PLCG2: variants seen among roughly 807,000 people sequenced by gnomAD.
PLCG2 encodes the protein phospholipase C gamma 2.
Under a neutral mutation model 175.6 loss-of-function variants are expected in PLCG2, and 69 were observed. The ratio of observed to expected loss-of-function variants is 0.39; its 90% confidence interval spans 0.32 to 0.48. The LOEUF is 0.48. Among genes scored for constraint, PLCG2 ranks in the 20% least tolerant of loss-of-function variants. The pLI is 0.91. For synonymous variants in PLCG2, 827 were observed against 624.0 expected (o/e 1.33, Z -4.85); for missense variants, 1,798 against 1,650.9 (o/e 1.09, Z -1.54).
At chr16:81,897,343 C>G (rs1309745328) in intron 13 of PLCG2, among the ~76,000 whole-genome samples, 1 of 152,148 alleles carries the variant, frequency 6.6e-6, no homozygotes, top group African/African-American at 2.4e-5. Context: ...CTGTTGAGTA[C>G]TAGTTTGGGC....
rs775349663 is a variant in PLCG2 at position 81,785,952 on chromosome 16, T to G, written c.-38T>G. 1 of 1,585,398 alleles carries G rather than the reference T, an allele frequency of 6.3e-7. No individual in the cohort carries two copies. Among genetic ancestry groups the G allele is most frequent in the Non-Finnish European group, 8.6e-7 (1 of 1,159,282 alleles). On this transcript the variant is annotated 5_prime_UTR_variant, in exon 2 of 33. The change creates a new upstream start codon in the 5' untranslated region. Coordinates refer to ENST00000564138, the MANE Select transcript of PLCG2 (RefSeq NM_002661.5). ...AATTCTGCCCTTTCAGCTTCCTGAT[T>G]TCTCCCGATTCCTTCCTTCTCCCTG...
At chr16:81,783,338 G>A (rs1047709017) in intron 1 of PLCG2, among the ~76,000 whole-genome samples, 2 of 152,074 alleles carry the variant, frequency 1.3e-5, no homozygotes, top group African/African-American at 4.8e-5. Context: ...TAAGTTTTAG[G>A]GTACATGTGC....
chr16:81,747,395 C>A (rs751327079), intron 1 of PLCG2, among the ~76,000 whole-genome samples: 2 of 152,022 alleles, frequency 1.3e-5, no homozygotes, highest in African/African-American at 4.8e-5. Context: ...ACTAGCCTGG[C>A]GTGATGGTGG....
upstream of PLCG2, among the ~76,000 whole-genome samples, chr16:81,778,043 C>CAAACAAACA (rs1910507100): frequency 2.8e-3 from 168 of 59,800 alleles, 5 homozygotes; most frequent in South Asian, 7.4e-3. Flanking sequence ...AAAAAAAAAA[C>CAAACAAACA]AAAAAAAAAA....
At chr16:81,789,844 G>GCCC (rs150696922) in intron 2 of PLCG2, among the ~76,000 whole-genome samples, 13 of 132,812 alleles carry the variant, frequency 9.8e-5, no homozygotes, top group African/African-American at 3.1e-4. Context: ...TCCCACCTTT[G>GCCC]CCCCCCCTCC....
chr16:81,815,716 C>T (rs774786267), intron 2 of PLCG2, among the ~76,000 whole-genome samples: 3 of 152,208 alleles, frequency 2.0e-5, no homozygotes, highest in African/African-American at 4.8e-5. Flanking sequence ...CTTCGATTCT[C>T]GCGGTCTTCT....
At chr16:81,838,925 G>T (rs974377108) in intron 2 of PLCG2, among the ~76,000 whole-genome samples, 1 of 151,804 alleles carries the variant, frequency 6.6e-6, no homozygotes, top group Non-Finnish European at 1.5e-5. Flanking sequence ...CCTCTCTTTA[G>T]GTGACACCAC....
chr16:81,842,566 A>G (rs1905891770), intron 2 of PLCG2, among the ~76,000 whole-genome samples: 1 of 152,090 alleles, frequency 6.6e-6, no homozygotes, highest in Non-Finnish European at 1.5e-5. Flanking sequence ...TCGCTTGAAT[A>G]TGTCTTGAGC....
At chr16:81,916,755 A>G (rs1349901971) in intron 19 of PLCG2, among the ~76,000 whole-genome samples, 1 of 152,024 alleles carries the variant, frequency 6.6e-6, no homozygotes, top group Non-Finnish European at 1.5e-5. Flanking sequence ...CTCCTGCCTC[A>G]GGCTCCTGAG....
intron 14 of PLCG2, among the ~76,000 whole-genome samples, chr16:81,904,652 G>T (rs1001228708): frequency 5.3e-5 from 8 of 152,110 alleles, no homozygotes; most frequent in African/African-American, 1.5e-4. Flanking sequence ...GGCACAGGTG[G>T]TGTTGTTGTT....
intron 31 of PLCG2, among the ~76,000 whole-genome samples, chr16:81,950,109 G>A (rs1911308850): frequency 6.6e-6 from 1 of 152,186 alleles, no homozygotes; most frequent in African/African-American, 2.4e-5. Context: ...AAGGTAAAAT[G>A]TGTAGTAATT....
chr16:81,935,157 A>C (rs1040779369), intron 26 of PLCG2, among the ~76,000 whole-genome samples: 3 of 152,172 alleles, frequency 2.0e-5, no homozygotes, highest in Admixed American at 1.3e-4. Context: ...TCATGAGGTC[A>C]ACATCAGGGT....
At chr16:81,834,662 G>A (rs1374104724) in intron 2 of PLCG2, among the ~76,000 whole-genome samples, 1 of 152,104 alleles carries the variant, frequency 6.6e-6, no homozygotes, top group African/African-American at 2.4e-5. Context: ...CTGAGAGGAA[G>A]ATTCTGGTAG....
intron 22 of PLCG2, among the ~76,000 whole-genome samples, chr16:81,923,947 C>A (rs1910160426): frequency 6.6e-6 from 1 of 152,184 alleles, no homozygotes; most frequent in African/African-American, 2.4e-5. Context: ...CTCCCTGTGA[C>A]AAAAGATGCG....
chr16:81,912,660 C>T lies in PLCG2; in HGVS notation c.1998C>T (p.Asp666=), dbSNP rs745784908. The change falls in exon 19 of 33, where the codon GAC becomes GAT. Residue 666 remains aspartate, a synonymous_variant. Coordinates refer to ENST00000564138, the MANE Select transcript of PLCG2 (RefSeq NM_002661.5). ...AEDMLMRIPR[D]GAFLIRKREG... is the part of the protein sequence containing the mutation. The stretch of plus-strand genomic sequence containing the variant: ...ACATGCTGATGAGGATTCCCCGGGA[C>T]GGGGCCTTCCTGATCCGGAAGCGAG... The T allele has an allele frequency of 9.2e-5, 148 of 1,612,782 alleles. No individual in the cohort carries two copies. Among genetic ancestry groups the T allele is most frequent in the South Asian group, 5.0e-4 (45 of 90,654 alleles).
At chr16:81,950,309 T>C (rs1911316015) in intron 31 of PLCG2, among the ~76,000 whole-genome samples, 1 of 152,136 alleles carries the variant, frequency 6.6e-6, no homozygotes, top group Non-Finnish European at 1.5e-5. Context: ...GAATTTACGA[T>C]CAGAAGTACT....
chr16:81,767,831 G>A (rs1362838848), intron 2 of PLCG2: 1 of 152,194 alleles, frequency 6.6e-6, no homozygotes, highest in Non-Finnish European at 1.5e-5. Flanking sequence ...GCCTCTTCCA[G>A]AATGTCATAT....
chr16:81,949,643 G>T (rs1911288805), intron 31 of PLCG2, among the ~76,000 whole-genome samples: 1 of 152,186 alleles, frequency 6.6e-6, no homozygotes, highest in Non-Finnish European at 1.5e-5. Context: ...TTTAGATAGG[G>T]AGGTGAAGAG....
At chr16:81,769,182 T>C (rs1318709224) in intron 2 of PLCG2, among the ~76,000 whole-genome samples, 1 of 152,142 alleles carries the variant, frequency 6.6e-6, no homozygotes, top group South Asian at 2.1e-4. Flanking sequence ...TCACCATGAG[T>C]GATGAGCTGG....
Sources: gnomAD v4.1 joint callset for allele counts (sites outside exome capture counted in the v4.1 genomes callset) on GRCh38, gnomAD v4.1.1 for gene constraint, MANE v1.5 for transcripts, NCBI Gene and HGNC (gene_info 2026-07-23, HGNC 2026-07-21) for gene names.